Variants in PADI4 observed in about 807,000 individuals in gnomAD.
PADI4 encodes protein-arginine deiminase type-4.
PADI4 carries 62 observed loss-of-function variants against 75.0 expected under a neutral mutation model. The ratio of observed to expected loss-of-function variants is 0.83; its 90% CI spans 0.67 to 1.02. The LOEUF (loss-of-function observed/expected upper bound fraction) is 1.02, where lower values mean the gene tolerates loss of function less well. PADI4 is among the 50% of genes least tolerant of loss of function. PADI4 has a pLI of 0.00. For missense variants in PADI4, 845 were observed against 850.5 expected (o/e 0.99, Z 0.08); for synonymous variants, 361 against 348.1 (o/e 1.04, Z -0.41).
intron 1 of PADI4, among the ~76,000 whole-genome samples, chr1:17,314,471 C>T (rs1441231665): frequency 1.3e-5 from 2 of 152,210 alleles, no homozygotes; most frequent in Non-Finnish European, 2.9e-5. Context: ...TGGGGCATCT[C>T]CTGGCCGGGA....
rs2074768872 is a variant in PADI4 at position 17,356,838 on chromosome 1, G to A, written c.1558+379G>A. Among the ~76,000 whole-genome samples, 1 of 151,112 alleles carries A rather than the reference G, an allele frequency of 6.6e-6. No individual in the cohort carries two copies. Among genetic ancestry groups the A allele is most frequent in the Admixed American group, 6.6e-5 (1 of 15,178 alleles). On this transcript the variant is annotated intron_variant, in intron 13 of 15. Transcript: ENST00000375448. This position sits in a 1 kb window ranked among gnomAD's most constrained non-coding sequence, Gnocchi z 4.1. Reference sequence around the variant, plus strand: ...ATACCACAGGCAGAGGGACGGGGGTGGGGCGGCTCAGAGGCAGGAGAAAGC... The same window carrying A: ...ATACCACAGGCAGAGGGACGGGGGTAGGGCGGCTCAGAGGCAGGAGAAAGC...
At chr1:17,342,607 G>T (rs774466614) in intron 8 of PADI4, among the ~76,000 whole-genome samples, 1 of 152,172 alleles carries the variant, frequency 6.6e-6, no homozygotes, top group Non-Finnish European at 1.5e-5. Flanking sequence ...CTGAGGCTAC[G>T]TTAACTCCCA....
rs766684610 is a variant in PADI4 at position 17,356,446 on chromosome 1, C to T, written c.1545C>T (p.Phe515=). Residue 515 remains phenylalanine, a synonymous_variant, in exon 13 of 16, where the codon TTC becomes TTT. Transcript: ENST00000375448. The surrounding 1 kb of genome is among the most constrained non-coding windows in gnomAD (Gnocchi z 4.1). ...QNEGHGEALL[F]EGIKKKKQQK... ...AGGGCCACGGGGAGGCCCTGCTGTT[C>T]GAAGGGATCAAGAGTAAGTCGGCCC... 1.7e-5 allele frequency: 27 copies of T among 1,605,068 alleles called. No individual in the cohort carries two copies. Among genetic ancestry groups the T allele is most frequent in the East Asian group, 2.2e-5 (1 of 44,826 alleles).
rs145032292 is a variant in PADI4 at position 17,314,755 on chromosome 1, C to T, written c.92+6441C>T. On this transcript the variant is annotated intron_variant, in intron 1 of 15. Coordinates refer to ENST00000375448, the MANE Select transcript of PADI4 (RefSeq NM_012387.3). ...GCTGCTCCTGGCCTGGCCTGGGAGA[C>T]GTTTCCCCGGGGCAGCTGAACCACT... Among the ~76,000 whole-genome samples the T allele has an allele frequency of 1.1e-3, 168 of 152,318 alleles. 1 individual carries two copies. The highest frequency in any genetic ancestry group is 3.4e-3 in the Middle Eastern group (1 of 294).
intron 11 of PADI4, among the ~76,000 whole-genome samples, chr1:17,355,449 C>A (rs558224530): frequency 6.6e-6 from 1 of 151,570 alleles, no homozygotes; most frequent in South Asian, 2.1e-4. Context: ...CTCGGGAGGC[C>A]GAGGCAAGAG....
At position 17,347,984 on chromosome 1, in the gene PADI4, TG is replaced by T. The variant is rs774420555; in HGVS notation, c.1092del (p.Val366TrpfsTer11). 7 of 1,607,472 alleles carry T rather than the reference TG, an allele frequency of 4.4e-6. No individual in the cohort carries two copies. The African/African-American group carries it at 9.4e-5, about 21-fold the overall frequency. On this transcript the variant is annotated frameshift_variant, in exon 10 of 16. Transcript: ENST00000375448. LOFTEE classifies it high-confidence loss of function. The part of the protein sequence containing the change: ...IGYIQAPHKT[L>X]PVVFDSPRNR... The stretch of plus-strand genomic sequence containing the variant: ...TACATCCAAGCCCCACACAAAACGC[TG>T]CCCGTGGTCTTCGACTCTCCAAGGA...
At chr1:17,352,398 G>T (rs989385269) in intron 10 of PADI4, among the ~76,000 whole-genome samples, 1 of 152,108 alleles carries the variant, frequency 6.6e-6, no homozygotes, top group Non-Finnish European at 1.5e-5. Context: ...TCATCACAGG[G>T]TCTTAAACAG....
intron 10 of PADI4, 56 bp from the exon 11 acceptor site, chr1:17,354,477 C>A: frequency 1.3e-6 from 2 of 1,540,530 alleles, no homozygotes; most frequent in Non-Finnish European, 1.8e-6. Flanking sequence ...GACCCCCCGA[C>A]CCTTCACCAG....
intron 8 of PADI4, 109 bp downstream of exon 8, chr1:17,342,511 G>A (rs905297092): frequency 1.5e-6 from 1 of 674,142 alleles, no homozygotes; most frequent in African/African-American, 1.8e-5. Context: ...CCTGCCCACT[G>A]AGAGCTTGCT....
intron 4 of PADI4, among the ~76,000 whole-genome samples, chr1:17,336,914 C>T (rs376591569): frequency 1.6e-4 from 25 of 152,320 alleles, no homozygotes; most frequent in African/African-American, 1.9e-4. Flanking sequence ...CAGGGGCAAA[C>T]GCTCTCCCGC....
At chr1:17,315,416 G>C (rs1370502838) in intron 1 of PADI4, among the ~76,000 whole-genome samples, 1 of 152,164 alleles carries the variant, frequency 6.6e-6, no homozygotes, top group Non-Finnish European at 1.5e-5. Context: ...ATAATGTGTG[G>C]GACGTACTTG....
intron 10 of PADI4, among the ~76,000 whole-genome samples, chr1:17,353,696 G>T (rs907754559): frequency 6.6e-6 from 1 of 152,140 alleles, no homozygotes; most frequent in Non-Finnish European, 1.5e-5. Flanking sequence ...ATTATATTAG[G>T]GATCTTGTGA....
rs1350786662 is a variant in PADI4 at position 17,356,279 on chromosome 1, C to G, written c.1456-78C>G. 2 of 1,274,030 alleles carry G rather than the reference C, an allele frequency of 1.6e-6. No homozygotes were observed. Among genetic ancestry groups the G allele is most frequent in the East Asian group, 2.5e-5 (1 of 40,218 alleles). 78.9% of individuals were successfully genotyped at this position (1,274,030 alleles called of 1,614,324 possible). ...AGCTTGGGTCCAAGTCCACACTACT[C>G]CCACCCTCAGCAGATCCACCCTCGT... On this transcript the variant is annotated intron_variant, in intron 12 of 15. Coordinates refer to ENST00000375448, the MANE Select transcript of PADI4 (RefSeq NM_012387.3). The surrounding 1 kb of genome is among the most constrained non-coding windows in gnomAD (Gnocchi z 4.1).
intron 1 of PADI4, among the ~76,000 whole-genome samples, chr1:17,326,411 G>A (rs957016923): frequency 2.0e-5 from 3 of 151,966 alleles, no homozygotes; most frequent in Non-Finnish European, 4.4e-5. Context: ...TTTAGTTATT[G>A]CTCAGTCCTA....
chr1:17,316,860 G>C (rs2100662329), intron 1 of PADI4, among the ~76,000 whole-genome samples: 1 of 152,150 alleles, frequency 6.6e-6, no homozygotes, highest in South Asian at 2.1e-4. Flanking sequence ...CTGTGGGACT[G>C]CATGACTGGG....
chr1:17,363,482 C>T (rs758716232), intron 15 of PADI4, 40 bp from the exon 16 acceptor site: 15 of 1,439,708 alleles, frequency 1.0e-5, no homozygotes, highest in Non-Finnish European at 1.5e-5. Context: ...CTGCAGGCTG[C>T]CCGCTGCTGC....
chr1:17,331,049 C>A lies in PADI4; in HGVS notation c.173C>A (p.Ala58Asp), dbSNP rs780521824. 4 of 1,610,466 alleles carry A rather than the reference C, an allele frequency of 2.5e-6. No individual in the cohort carries two copies. The highest frequency in any genetic ancestry group is 3.4e-6 in the Non-Finnish European group (4 of 1,178,342). Residue 58 changes from alanine to aspartate, a missense_variant, in exon 2 of 16, where the codon GCC (alanine) becomes GAC (aspartate). By Grantham distance (126) the Ala-to-Asp change is moderately radical (BLOSUM62 -2). Coordinates refer to ENST00000375448, the MANE Select transcript of PADI4 (RefSeq NM_012387.3). ...VVVDIAHGPP[A>D]KKKSTGSSTW... The stretch of plus-strand genomic sequence containing the variant: ...GTGGATATTGCCCACGGCCCTCCAG[C>A]CAAGAAGAAATCCACAGGTTCCTCC...
chr1:17,347,996 T>C lies in PADI4; in HGVS notation c.1103T>C (p.Phe368Ser). 1 of 1,610,188 alleles carries C rather than the reference T, an allele frequency of 6.2e-7. No individual in the cohort carries two copies. ...CCACACAAAACGCTGCCCGTGGTCT[T>C]CGACTCTCCAAGGAACAGAGGCCTG... ...QAPHKTLPVV[F>S]DSPRNRGLKE... Residue 368 changes from phenylalanine (F) to serine (S), a missense_variant, in exon 10 of 16, where the codon TTC (phenylalanine) becomes TCC (serine). Phe to Ser is a radical substitution (Grantham distance 155). Transcript: ENST00000375448.
chr1:17,321,898 TGAA>T (rs1379921553), intron 1 of PADI4, among the ~76,000 whole-genome samples: 21 of 152,272 alleles, frequency 1.4e-4, no homozygotes, highest in African/African-American at 4.8e-4. Flanking sequence ...TGGAAGAAGA[TGAA>T]GAAATTTTTT....
Sources: gnomAD v4.1 joint callset for allele counts (sites outside exome capture counted in the v4.1 genomes callset) on GRCh38, gnomAD v4.1.1 for gene constraint, Gnocchi (gnomAD v3.1) non-coding constraint, MANE v1.5 for transcripts, NCBI Gene and HGNC (gene_info 2026-07-23, HGNC 2026-07-21) for gene names.